The following AMIGO1 variants were observed in gnomAD, a reference collection of about 807,000 sequenced individuals.
AMIGO1 encodes adhesion molecule with Ig like domain 1.
For synonymous variants in AMIGO1, 249 were observed against 266.3 expected (o/e 0.93, Z 0.63); for missense variants, 361 against 612.3 (o/e 0.59, Z 4.33).
chr1:109,505,948 C>CA lies in AMIGO1; in HGVS notation c.*1482dup, dbSNP rs1338339267. The CA allele has an allele frequency of 6.6e-6, 1 of 152,228 alleles. No individual in the cohort carries two copies. Among genetic ancestry groups the CA allele is most frequent in the South Asian group, 2.1e-4 (1 of 4,820 alleles). The allele number at this position is 152,228 out of a possible 1,614,324, so 9.4% of individuals were successfully genotyped here. ...TAAAGGGATCGGTCATCTCCATACT[C>CA]AAAGTATTCTGCAACCTTGGATGGA... On this transcript the variant is annotated 3_prime_UTR_variant, in exon 2 of 2. Transcript: ENST00000369864.
In AMIGO1 at chr1:109,504,206, A is replaced by C. The variant is rs1051413203; in HGVS notation, c.*3225T>G. On this transcript the variant is annotated 3_prime_UTR_variant, in exon 2 of 2. Coordinates refer to ENST00000369864, the MANE Select transcript of AMIGO1 (RefSeq NM_020703.4). The stretch of plus-strand genomic sequence containing the variant: ...CAGAACAGAGACTCAAGCCAGGTTT[A>C]ATGATCATTGTCTAGTTTTCAGAGC... The C allele has an allele frequency of 2.0e-5, 3 of 152,220 alleles. No individual in the cohort carries two copies. The highest frequency in any genetic ancestry group is 2.0e-4 in the Admixed American group (3 of 15,274). 9.4% of individuals were successfully genotyped at this position (152,220 alleles called of 1,614,324 possible). A position where few individuals can be genotyped will look rare whatever the true frequency, so the allele number is the denominator to read the frequency against.
chr1:109,507,576 G>A lies in AMIGO1; in HGVS notation c.1337C>T (p.Pro446Leu). 6.2e-7 allele frequency: 1 copy of A among 1,614,046 alleles called. No individual in the cohort carries two copies. The highest frequency in any genetic ancestry group is 8.5e-7 in the Non-Finnish European group (1 of 1,180,024). Residue 446 changes from proline to leucine, a missense_variant, in exon 2 of 2, where the codon CCT (proline) becomes CTT (leucine). Transcript: ENST00000369864. The surrounding 1 kb of genome is among the most constrained non-coding windows in gnomAD (Gnocchi z 4.7). Reference protein sequence around the residue: ...GFDRRVAFLEPAGPGQGQNGK... With the variant: ...GFDRRVAFLELAGPGQGQNGK... ...GTTTTGACCCTGCCCAGGTCCAGCAGGTTCCAGGAAAGCCACCCGCCGGTC... is the reference window on the plus strand; with the variant it reads ...GTTTTGACCCTGCCCAGGTCCAGCAAGTTCCAGGAAAGCCACCCGCCGGTC...
Position 109,507,057 on chromosome 1 carries a change from T to A in AMIGO1, c.*374A>T, listed in dbSNP as rs867744058. The A allele has an allele frequency of 3.3e-4, 59 of 177,740 alleles. No individual in the cohort carries two copies. The highest frequency in any genetic ancestry group is 5.4e-3 in the Middle Eastern group (2 of 370). The allele number at this position is 177,740 out of a possible 1,614,324, so 11.0% of individuals were successfully genotyped here. A position where few individuals can be genotyped will look rare whatever the true frequency, so the allele number is the denominator to read the frequency against. On this transcript the variant is annotated 3_prime_UTR_variant, in exon 2 of 2. Transcript: ENST00000369864. The surrounding 1 kb of genome is among the most constrained non-coding windows in gnomAD (Gnocchi z 4.7). ...TGTGGGTGGGCAGAGATAGAAAAAA[T>A]TTTTTTTTCTAAATGTTTTTCTCTT...
Position 109,505,954 on chromosome 1 carries a change from A to AT in AMIGO1, c.*1476dup, listed in dbSNP as rs1658013024. The AT allele has an allele frequency of 6.6e-6, 1 of 152,252 alleles. No homozygotes were observed. The highest frequency in any genetic ancestry group is 2.4e-5 in the African/African-American group (1 of 41,462). 9.4% of individuals were successfully genotyped at this position (152,252 alleles called of 1,614,324 possible). A position where few individuals can be genotyped will look rare whatever the true frequency, so the allele number is the denominator to read the frequency against. The stretch of plus-strand genomic sequence containing the variant: ...GATCGGTCATCTCCATACTCAAAGT[A>AT]TTCTGCAACCTTGGATGGAATGGAA... On this transcript the variant is annotated 3_prime_UTR_variant, in exon 2 of 2. Coordinates refer to ENST00000369864, the MANE Select transcript of AMIGO1 (RefSeq NM_020703.4).
At chr1:109,509,145 T>A (rs371719434) in intron 1 of AMIGO1, 146 bp from the exon 2 acceptor site, 1 of 567,628 alleles carries the variant, frequency 1.8e-6, no homozygotes, top group East Asian at 3.0e-5. Flanking sequence ...GTGCAGGCAG[T>A]GGGCTGTAAA....
rs1006648795 is a variant in AMIGO1, at chr1:109,504,261, T to G, written c.*3170A>C. 2 of 152,098 alleles carry G rather than the reference T, an allele frequency of 1.3e-5. No individual in the cohort carries two copies. The highest frequency in any genetic ancestry group is 4.8e-5 in the African/African-American group (2 of 41,396). 9.4% of individuals were successfully genotyped at this position (152,098 alleles called of 1,614,324 possible). A position where few individuals can be genotyped will look rare whatever the true frequency, so the allele number is the denominator to read the frequency against. ...AGGCTCCAAGATTTGCCAGCCTAGG[T>G]GTACACAAGTGGGAGGAATGGGGTC... is the stretch of plus-strand genomic sequence containing the variant. On this transcript the variant is annotated 3_prime_UTR_variant, in exon 2 of 2. Coordinates refer to ENST00000369864, the MANE Select transcript of AMIGO1 (RefSeq NM_020703.4).
At chr1:109,509,315 G>A (rs947384984) in intron 1 of AMIGO1, 105 bp downstream of exon 1, 3 of 206,948 alleles carry the variant, frequency 1.4e-5, no homozygotes, top group Non-Finnish European at 3.0e-5. Flanking sequence ...AGGAGCTGAG[G>A]GAAGGTCAAC....
chr1:109,508,019 G>A lies in AMIGO1; in HGVS notation c.894C>T (p.Thr298=). 7 of 1,614,116 alleles carry A rather than the reference G, an allele frequency of 4.3e-6. No homozygotes were observed. Among genetic ancestry groups the A allele is most frequent in the Non-Finnish European group, 5.9e-6 (7 of 1,180,038 alleles). ...IKCDTKQQGM[T]KVWVTPSNER... ...CATTACTTGGTGTCACCCACACCTT[G>A]GTCATCCCTTGCTGCTTGGTGTCAC... Residue 298 remains threonine, a synonymous_variant, in exon 2 of 2, where the codon ACC becomes ACT. Coordinates refer to ENST00000369864, the MANE Select transcript of AMIGO1 (RefSeq NM_020703.4). The surrounding 1 kb of genome is among the most constrained non-coding windows in gnomAD (Gnocchi z 7.8).
rs1657984874 is a variant in AMIGO1, at chr1:109,505,265, A to C, written c.*2166T>G. 3 of 152,160 alleles carry C rather than the reference A, an allele frequency of 2.0e-5. No individual in the cohort carries two copies. Among genetic ancestry groups the C allele is most frequent in the African/African-American group, 7.2e-5 (3 of 41,408 alleles). 9.4% of individuals were successfully genotyped at this position (152,160 alleles called of 1,614,324 possible). Reference sequence around the variant, plus strand: ...CCTCTTCTCCCAAGGCCTTCAACCCATGGTTCTTCTAACTCCAGCCTGGGC... The same window carrying C: ...CCTCTTCTCCCAAGGCCTTCAACCCCTGGTTCTTCTAACTCCAGCCTGGGC... On this transcript the variant is annotated 3_prime_UTR_variant, in exon 2 of 2. Coordinates refer to ENST00000369864, the MANE Select transcript of AMIGO1 (RefSeq NM_020703.4).
Position 109,509,428 on chromosome 1 carries a change from C to G in AMIGO1, c.-96G>C, listed in dbSNP as rs958891154. The G allele has an allele frequency of 6.4e-6, 1 of 155,322 alleles. No homozygotes were observed. The highest frequency in any genetic ancestry group is 1.4e-5 in the Non-Finnish European group (1 of 69,874). 9.6% of individuals were successfully genotyped at this position (155,322 alleles called of 1,614,324 possible). On this transcript the variant is annotated 5_prime_UTR_variant, in exon 1 of 2. Transcript: ENST00000369864. Reference sequence around the variant, plus strand: ...GCCTCCGGTCACTGCACCTGCTCGGCGAGGACGTGTCTCAGCCCATGGCCG... The same window carrying G: ...GCCTCCGGTCACTGCACCTGCTCGGGGAGGACGTGTCTCAGCCCATGGCCG...
rs1658100863 is a variant in AMIGO1 at position 109,509,019 on chromosome 1, G to C, written c.-87-20C>G. On this transcript the variant is annotated intron_variant, in intron 1 of 1. Transcript: ENST00000369864. ...GGGTCACTTGAGAGAAAGAGGATGG[G>C]TTTGTGGTCACCAAGGACTCCAGAG... is the stretch of plus-strand genomic sequence containing the variant. 1 of 1,313,780 alleles carries C rather than the reference G, an allele frequency of 7.6e-7. No homozygotes were observed. Among genetic ancestry groups the C allele is most frequent in the Non-Finnish European group, 1.0e-6 (1 of 977,288 alleles). 81.4% of individuals were successfully genotyped at this position (1,313,780 alleles called of 1,614,324 possible). A position where few individuals can be genotyped will look rare whatever the true frequency, so the allele number is the denominator to read the frequency against.
Position 109,508,070 on chromosome 1 carries a change from G to C in AMIGO1, c.843C>G (p.His281Gln), listed in dbSNP as rs1055715080. 6.2e-7 allele frequency: 1 copy of C among 1,614,150 alleles called. No individual in the cohort carries two copies. Among genetic ancestry groups the C allele is most frequent in the South Asian group, 1.1e-5 (1 of 91,090 alleles). ...ACTTGATGATCAAGGTGTCACCCAG[G>C]TGGGCCTCCCAGGCACGCTCCTTGT... ...GEYKERAWEA[H>Q]LGDTLIIKCD... Residue 281 changes from histidine (H) to glutamine (Q), a missense_variant, in exon 2 of 2, where the codon CAC becomes CAG. Coordinates refer to ENST00000369864, the MANE Select transcript of AMIGO1 (RefSeq NM_020703.4). The surrounding 1 kb of genome is among the most constrained non-coding windows in gnomAD (Gnocchi z 7.8).
At position 109,507,506 on chromosome 1, in the gene AMIGO1, T is replaced by C. The variant is rs191722490; in HGVS notation, c.1407A>G (p.Thr469=). Residue 469 remains threonine, a synonymous_variant, in exon 2 of 2, where the codon ACA becomes ACG. Coordinates refer to ENST00000369864, the MANE Select transcript of AMIGO1 (RefSeq NM_020703.4). This position sits in a 1 kb window ranked among gnomAD's most constrained non-coding sequence, Gnocchi z 4.7. Reference sequence around the variant, plus strand: ...CCGACATCCTCCGTTGGCCCTTGCCTGTGGCCTCAGGCACTGGCAGGGTGT... The same window carrying C: ...CCGACATCCTCCGTTGGCCCTTGCCCGTGGCCTCAGGCACTGGCAGGGTGT... The part of the protein sequence containing the change: ...PGNTLPVPEA[T]GKGQRRMSDP... The C allele has an allele frequency of 7.5e-5, 121 of 1,614,194 alleles. 1 individual carries two copies. The Admixed American group carries it at 2.0e-3, about 27-fold the overall frequency.
rs149188606 is a variant in AMIGO1 at position 109,507,708 on chromosome 1, C to G, written c.1205G>C (p.Gly402Ala). The change falls in exon 2 of 2, where the codon GGT becomes GCT. Residue 402 changes from glycine (G) to alanine (A), a missense_variant. By Grantham distance (60) the Gly-to-Ala change is moderately conservative. Transcript: ENST00000369864. This position sits in a 1 kb window ranked among gnomAD's most constrained non-coding sequence, Gnocchi z 4.7. Reference sequence around the variant, plus strand: ...TTGATGGCTGGAAGGCTTCTCTACACCCCGGCACCAGCAGCGGCAAGGGGT... The same window carrying G: ...TTGATGGCTGGAAGGCTTCTCTACAGCCCGGCACCAGCAGCGGCAAGGGGT... ...YLTPCRCWCR[G>A]VEKPSSHQGD... 9.9e-6 allele frequency: 16 copies of G among 1,614,034 alleles called. No individual in the cohort carries two copies. Among genetic ancestry groups the G allele is most frequent in the African/African-American group, 1.3e-5 (1 of 74,912 alleles).
At position 109,508,163 on chromosome 1, in the gene AMIGO1, A is replaced by T. The variant is rs767275171; in HGVS notation, c.750T>A (p.Asp250Glu). 6.8e-6 allele frequency: 11 copies of T among 1,614,036 alleles called. No individual in the cohort carries two copies. The African/African-American group carries it at 1.5e-4, about 22-fold the overall frequency. The part of the protein sequence containing the change: ...QLSSVMDFQE[D>E]LYCMNSKKLH... ...GCTTCTTGGAGTTCATGCAGTACAG[A>T]TCCTCTTGAAAGTCCATCACGGAGC... Residue 250 changes from aspartate to glutamate, a missense_variant, in exon 2 of 2, where the codon GAT (aspartate) becomes GAA (glutamate). Coordinates refer to ENST00000369864, the MANE Select transcript of AMIGO1 (RefSeq NM_020703.4). The surrounding 1 kb of genome is among the most constrained non-coding windows in gnomAD (Gnocchi z 7.8).
rs200434051 is a variant in AMIGO1, at chr1:109,508,888, C to T, written c.25G>A (p.Gly9Ser). The change falls in exon 2 of 2, where the codon GGC becomes AGC. Residue 9 changes from glycine (G) to serine (S), a missense_variant. Gly to Ser is a moderately conservative substitution (Grantham distance 56). Coordinates refer to ENST00000369864, the MANE Select transcript of AMIGO1 (RefSeq NM_020703.4). This position sits in a 1 kb window ranked among gnomAD's most constrained non-coding sequence, Gnocchi z 7.8. MHPHRDPR[G>S]LWLLLPSLSL... The stretch of plus-strand genomic sequence containing the variant: ...AAGGACGGCAGCAGGAGCCAGAGGC[C>T]TCTCGGGTCACGGTGGGGGTGCATA... 10 of 1,590,506 alleles carry T rather than the reference C, an allele frequency of 6.3e-6. No homozygotes were observed. The East Asian group carries it at 2.2e-4, about 36-fold the overall frequency.
Position 109,508,428 on chromosome 1 carries a change from T to C in AMIGO1, c.485A>G (p.Lys162Arg), listed in dbSNP as rs1434445474. The change falls in exon 2 of 2, where the codon AAA becomes AGA. Residue 162 changes from lysine (K) to arginine (R), a missense_variant. Physicochemically the swap from Lys to Arg is conservative, Grantham distance 26. Transcript: ENST00000369864. This position sits in a 1 kb window ranked among gnomAD's most constrained non-coding sequence, Gnocchi z 7.8. ...CAFDDMAQLQ[K>R]LYLSQNQISR... The stretch of plus-strand genomic sequence containing the variant: ...GATCTGGTTCTGGCTCAAGTAGAGT[T>C]TCTGCAGCTGGGCCATGTCATCGAA... 3 of 1,614,118 alleles carry C rather than the reference T, an allele frequency of 1.9e-6. No individual in the cohort carries two copies. Among genetic ancestry groups the C allele is most frequent in the Non-Finnish European group, 2.5e-6 (3 of 1,180,026 alleles).
Position 109,508,161 on chromosome 1 carries a change from A to AGATC in AMIGO1, c.748_751dup (p.Leu251ArgfsTer35), listed in dbSNP as rs1402480723. ...CAGCTTCTTGGAGTTCATGCAGTACAGATCCTCTTGAAAGTCCATCACGGA... is the reference window on the plus strand; with the variant it reads ...CAGCTTCTTGGAGTTCATGCAGTACAGATCGATCCTCTTGAAAGTCCATCACGGA... On this transcript the variant is annotated frameshift_variant, in exon 2 of 2. Coordinates refer to ENST00000369864, the MANE Select transcript of AMIGO1 (RefSeq NM_020703.4). LOFTEE classifies it high-confidence loss of function. This position sits in a 1 kb window ranked among gnomAD's most constrained non-coding sequence, Gnocchi z 7.8. The AGATC allele has an allele frequency of 6.2e-7, 1 of 1,614,176 alleles. No homozygotes were observed. The highest frequency in any genetic ancestry group is 1.7e-5 in the Admixed American group (1 of 60,030).
chr1:109,509,322 C>G, intron 1 of AMIGO1, 98 bp downstream of exon 1: 1 of 194,288 alleles, frequency 5.1e-6, no homozygotes, highest in South Asian at 1.0e-4. Context: ...GAGGGAAGGT[C>G]AACAGGGCAC....
Sources: allele counts gnomAD v4.1 joint callset, GRCh38; gene constraint gnomAD v4.1.1; non-coding constraint Gnocchi (gnomAD v3.1); transcripts MANE v1.5; gene names NCBI Gene and HGNC (gene_info 2026-07-23, HGNC 2026-07-21).